The following ARHGAP22 variants were observed in gnomAD, a reference collection of about 807,000 sequenced individuals.
The protein encoded by ARHGAP22 is rho GTPase-activating protein 22.
In ARHGAP22, 48 loss-of-function variants were observed where a neutral mutation model predicts 59.1. The observed-to-expected ratio is 0.81, with a 90% CI of 0.64 to 1.03. ARHGAP22 has a LOEUF of 1.03. Among genes scored for constraint, ARHGAP22 ranks in the 50% least tolerant of loss-of-function variants. The probability of loss-of-function intolerance (pLI) is 0.00; values close to 1 mark genes in which losing one functional copy is unlikely to be tolerated. For synonymous variants in ARHGAP22, 445 were observed against 416.4 expected (o/e 1.07, Z -0.84); for missense variants, 1,015 against 958.7 (o/e 1.06, Z -0.78).
chr10:48,530,236 C>CAAAAAAAAAAAAAAAA (rs60902650), intron 3 of ARHGAP22, among the ~76,000 whole-genome samples: 1 of 49,038 alleles, frequency 2.0e-5, no homozygotes, highest in Non-Finnish European at 3.9e-5. Flanking sequence ...GACTCCATTG[C>CAAAAAAAAAAAAAAAA]AAAAAAAAAA....
intron 1 of ARHGAP22, among the ~76,000 whole-genome samples, chr10:48,646,700 TTGAC>T (rs1346742566): frequency 3.3e-5 from 5 of 152,150 alleles, no homozygotes; most frequent in Non-Finnish European, 4.4e-5. Context: ...AAACAACCCT[TTGAC>T]TGTACCTCAT....
chr10:48,596,540 G>T (rs1040984267), intron 1 of ARHGAP22, among the ~76,000 whole-genome samples: 1 of 152,230 alleles, frequency 6.6e-6, no homozygotes, highest in African/African-American at 2.4e-5. Context: ...GGAACAGGAA[G>T]ATGCAGAAAG....
chr10:48,584,228 G>A (rs999684680), intron 1 of ARHGAP22, among the ~76,000 whole-genome samples: 2 of 152,228 alleles, frequency 1.3e-5, no homozygotes, highest in African/African-American at 4.8e-5. Context: ...CACTGTATCT[G>A]TGATTCTGTG....
chr10:48,583,061 G>A lies in ARHGAP22; in HGVS notation c.126C>T (p.Gly42=). ...PHRLGPVLKA[G]WLKKQRSIMK... is the part of the protein sequence containing the mutation. ...TGATGCTCCTCTGCTTCTTCAGCCAGCCCGCCTTCAGCACGGGGCCCAGCC... is the reference window on the plus strand; with the variant it reads ...TGATGCTCCTCTGCTTCTTCAGCCAACCCGCCTTCAGCACGGGGCCCAGCC... The change falls in exon 2 of 10, where the codon GGC becomes GGT. Residue 42 remains glycine, a synonymous_variant. Coordinates refer to ENST00000249601, the MANE Select transcript of ARHGAP22 (RefSeq NM_021226.4). 8 of 1,614,274 alleles carry A rather than the reference G, an allele frequency of 5.0e-6. No individual in the cohort carries two copies. The highest frequency in any genetic ancestry group is 6.8e-6 in the Non-Finnish European group (8 of 1,180,056).
At chr10:48,514,202 A>G (rs2053070467) in intron 3 of ARHGAP22, among the ~76,000 whole-genome samples, 3 of 152,144 alleles carry the variant, frequency 2.0e-5, no homozygotes, top group African/African-American at 7.2e-5. Flanking sequence ...ACAAAATGAG[A>G]GTCCTAGAAG....
At chr10:48,527,253 A>G (rs1274158640) in intron 3 of ARHGAP22, among the ~76,000 whole-genome samples, 1 of 151,964 alleles carries the variant, frequency 6.6e-6, no homozygotes, top group African/African-American at 2.4e-5. Flanking sequence ...GGGTGGAAGG[A>G]TGGATGGATG....
intron 3 of ARHGAP22, among the ~76,000 whole-genome samples, chr10:48,504,579 G>A (rs1183003642): frequency 1.3e-5 from 2 of 152,218 alleles, no homozygotes; most frequent in African/African-American, 4.8e-5. Flanking sequence ...TTCTTGCACA[G>A]ATCTGGTCTG....
intron 1 of ARHGAP22, among the ~76,000 whole-genome samples, chr10:48,592,548 G>A (rs1045337885): frequency 6.6e-6 from 1 of 152,136 alleles, no homozygotes; most frequent in Non-Finnish European, 1.5e-5. Flanking sequence ...CTCACCGGCT[G>A]TCACTCCCAT....
At chr10:48,586,000 A>C (rs10491039) in intron 1 of ARHGAP22, among the ~76,000 whole-genome samples, 11,599 of 151,848 alleles carry the variant, frequency 0.076, 481 homozygotes, top group Middle Eastern at 0.11. Context: ...CTTGAGCTTC[A>C]CCTTATCTGT....
chr10:48,644,967 G>GA (rs1458414657), intron 1 of ARHGAP22, among the ~76,000 whole-genome samples: 1 of 151,694 alleles, frequency 6.6e-6, no homozygotes, highest in Non-Finnish European at 1.5e-5. Context: ...AAACATTAGA[G>GA]AAAATCCATG....
At chr10:48,634,600 G>A (rs1230831016) in intron 1 of ARHGAP22, among the ~76,000 whole-genome samples, 1 of 152,136 alleles carries the variant, frequency 6.6e-6, no homozygotes, top group Non-Finnish European at 1.5e-5. Flanking sequence ...GTGGCTGGCA[G>A]GGCATCTGTC....
At chr10:48,580,309 G>A (rs2135592793) in intron 2 of ARHGAP22, among the ~76,000 whole-genome samples, 1 of 152,262 alleles carries the variant, frequency 6.6e-6, no homozygotes, top group African/African-American at 2.4e-5. Context: ...GGGAGGGAGA[G>A]GAGTGTCTGG....
chr10:48,527,216 GATGGATGGGTAA>G (rs1467396186), intron 3 of ARHGAP22, among the ~76,000 whole-genome samples: 2 of 152,002 alleles, frequency 1.3e-5, no homozygotes, highest in Non-Finnish European at 2.9e-5. Flanking sequence ...TGGATGGGCA[GATGGATGGGTAA>G]ATGGATGGAT....
At chr10:48,444,729 C>T (rs377453420), downstream of ARHGAP22, 7 of 152,218 alleles carry the variant, frequency 4.6e-5, no homozygotes, top group African/African-American at 1.2e-4. Flanking sequence ...GTCATCAGGA[C>T]GCACTGCTGT....
chr10:48,636,561 C>T (rs1160802398), intron 1 of ARHGAP22, among the ~76,000 whole-genome samples: 3 of 152,188 alleles, frequency 2.0e-5, no homozygotes, highest in African/African-American at 7.2e-5. Flanking sequence ...GCTCCTTGTA[C>T]CACCTGCACC....
At chr10:48,598,753 C>T (rs981194830) in intron 1 of ARHGAP22, among the ~76,000 whole-genome samples, 12 of 152,208 alleles carry the variant, frequency 7.9e-5, no homozygotes, top group African/African-American at 2.9e-4. Flanking sequence ...CCTTGTCCTC[C>T]CACTGCCTTC....
At chr10:48,561,785 A>G (rs948726208) in intron 2 of ARHGAP22, among the ~76,000 whole-genome samples, 1 of 152,242 alleles carries the variant, frequency 6.6e-6, no homozygotes, top group African/African-American at 2.4e-5. Flanking sequence ...CCATAATTGG[A>G]TACCACTACA....
At chr10:48,569,953 T>A (rs2058293834) in intron 2 of ARHGAP22, among the ~76,000 whole-genome samples, 1 of 152,216 alleles carries the variant, frequency 6.6e-6, no homozygotes, top group African/African-American at 2.4e-5. Context: ...ATGCTGTCAT[T>A]TCAGGGGCCT....
chr10:48,610,247 A>G (rs1236645315), intron 1 of ARHGAP22, among the ~76,000 whole-genome samples: 2 of 152,136 alleles, frequency 1.3e-5, no homozygotes, highest in Admixed American at 6.5e-5. Context: ...ACTTCTACCT[A>G]TCTGGGGTCT....
Sources: gnomAD v4.1 joint callset for allele counts (sites outside exome capture counted in the v4.1 genomes callset) on GRCh38, gnomAD v4.1.1 for gene constraint, MANE v1.5 for transcripts, NCBI Gene and HGNC (gene_info 2026-07-23, HGNC 2026-07-21) for gene names.